Variants in PCDH7 observed in about 807,000 individuals in gnomAD.
The protein encoded by PCDH7 is protocadherin-7.
Under a neutral mutation model 58.9 loss-of-function variants are expected in PCDH7, and 17 were observed. The observed-to-expected ratio is 0.29, with a 90% CI of 0.20 to 0.43. PCDH7 has a LOEUF of 0.43. Among genes scored for constraint, PCDH7 ranks in the 20% least tolerant of loss-of-function variants. The pLI is 1.00. For synonymous variants in PCDH7, 664 were observed against 616.4 expected (o/e 1.08, Z -1.14); for missense variants, 1,274 against 1,441.0 (o/e 0.88, Z 1.88).
chr4:30,794,370 A>C (rs1378927468), intron 1 of PCDH7, among the ~76,000 whole-genome samples: 1 of 152,166 alleles, frequency 6.6e-6, no homozygotes, highest in Non-Finnish European at 1.5e-5. Flanking sequence ...CTGTTTTAGG[A>C]CTGTATAATT....
intron 3 of PCDH7, among the ~76,000 whole-genome samples, chr4:30,985,516 G>A (rs1750895197): frequency 6.6e-6 from 1 of 152,138 alleles, no homozygotes; most frequent in African/African-American, 2.4e-5. Context: ...TGACTATGCA[G>A]TCAACTTACT....
chr4:30,887,391 T>C (rs1737964705), intron 1 of PCDH7, among the ~76,000 whole-genome samples: 1 of 152,142 alleles, frequency 6.6e-6, no homozygotes, highest in Non-Finnish European at 1.5e-5. Flanking sequence ...TAGTTTTCAC[T>C]TGAAACATCT....
intron 3 of PCDH7, among the ~76,000 whole-genome samples, chr4:31,067,664 T>C (rs185295348): frequency 8.0e-4 from 121 of 152,014 alleles, no homozygotes; most frequent in African/African-American, 2.8e-3. Flanking sequence ...AGAAGTAAAA[T>C]AGTGTTTGCT....
intron 3 of PCDH7, among the ~76,000 whole-genome samples, chr4:30,986,907 G>C (rs899891093): frequency 6.6e-6 from 1 of 151,882 alleles, no homozygotes; most frequent in Admixed American, 6.6e-5. Flanking sequence ...CTTGAACCTG[G>C]GAGGCGGAGG....
intron 1 of PCDH7, among the ~76,000 whole-genome samples, chr4:30,897,123 C>A (rs1205475891): frequency 2.6e-5 from 4 of 151,902 alleles, no homozygotes; most frequent in African/African-American, 9.7e-5. Flanking sequence ...CCAGGTTGTT[C>A]TTGATCTCCT....
intron 1 of PCDH7, among the ~76,000 whole-genome samples, chr4:30,802,057 G>C (rs1010221752): frequency 5.9e-5 from 9 of 152,238 alleles, no homozygotes; most frequent in Non-Finnish European, 1.3e-4. Context: ...AAAGAAAGTA[G>C]AATACAAGAG....
intron 1 of PCDH7, among the ~76,000 whole-genome samples, chr4:30,816,311 T>G (rs1330353438): frequency 6.6e-6 from 1 of 152,162 alleles, no homozygotes; most frequent in Non-Finnish European, 1.5e-5. Context: ...TAAAATAAAT[T>G]TTCAGTTCTA....
At chr4:30,918,958 A>G (rs560751953) in intron 1 of PCDH7, among the ~76,000 whole-genome samples, 35 of 152,244 alleles carry the variant, frequency 2.3e-4, no homozygotes, top group African/African-American at 8.2e-4. Context: ...ATAATCCTTA[A>G]TATTTCTAAA....
At chr4:31,032,577 C>T (rs1346774131) in intron 3 of PCDH7, among the ~76,000 whole-genome samples, 1 of 145,212 alleles carries the variant, frequency 6.9e-6, no homozygotes, top group Non-Finnish European at 1.5e-5. Flanking sequence ...CACTGCACTC[C>T]AGCCTGGGTG....
intron 1 of PCDH7, among the ~76,000 whole-genome samples, chr4:30,888,326 T>A (rs1738133785): frequency 6.6e-6 from 1 of 152,036 alleles, no homozygotes. Context: ...GCCTATATAT[T>A]CACATAATAG....
intron 1 of PCDH7, among the ~76,000 whole-genome samples, chr4:30,794,799 TA>T (rs1192223487): frequency 6.6e-6 from 1 of 152,092 alleles, no homozygotes; most frequent in Non-Finnish European, 1.5e-5. Context: ...TAATTTGTGA[TA>T]AAAAAATCCA....
chr4:30,977,291 A>G (rs1750157685), intron 3 of PCDH7, among the ~76,000 whole-genome samples: 1 of 152,184 alleles, frequency 6.6e-6, no homozygotes, highest in Non-Finnish European at 1.5e-5. Context: ...TTTAATAAAA[A>G]TTATACTTAG....
chr4:30,860,683 A>G (rs1032120247), intron 1 of PCDH7, among the ~76,000 whole-genome samples: 1 of 152,092 alleles, frequency 6.6e-6, no homozygotes, highest in Non-Finnish European at 1.5e-5. Context: ...TAATGTTCAA[A>G]TTTTGAGGTG....
At chr4:30,781,283 G>A (rs1198785272) in intron 1 of PCDH7, among the ~76,000 whole-genome samples, 1 of 150,948 alleles carries the variant, frequency 6.6e-6, no homozygotes, top group Non-Finnish European at 1.5e-5. Flanking sequence ...TGGGACTACA[G>A]GTGCCCACCA....
chr4:30,897,020 T>C (rs1739513811), intron 1 of PCDH7, among the ~76,000 whole-genome samples: 1 of 147,436 alleles, frequency 6.8e-6, no homozygotes, highest in East Asian at 2.1e-4. Flanking sequence ...TTCTCCTGCC[T>C]CAGCCTCCCG....
chr4:31,107,857 C>A (rs146874201), intron 3 of PCDH7, among the ~76,000 whole-genome samples: 2 of 151,678 alleles, frequency 1.3e-5, no homozygotes, highest in African/African-American at 4.8e-5. Context: ...CCTTTCTCAC[C>A]GGAATTTTGT....
At chr4:31,077,590 CT>C (rs1474106266) in intron 3 of PCDH7, among the ~76,000 whole-genome samples, 1 of 152,054 alleles carries the variant, frequency 6.6e-6, no homozygotes, top group Admixed American at 6.6e-5. Context: ...GCTCCCATTT[CT>C]TAGTATGTCT....
intron 3 of PCDH7, among the ~76,000 whole-genome samples, chr4:30,962,126 A>T (rs1748490786): frequency 6.6e-6 from 1 of 152,180 alleles, no homozygotes; most frequent in African/African-American, 2.4e-5. Flanking sequence ...AATGACTTGA[A>T]TTGCTCTTGG....
At chr4:30,806,280 C>T (rs1024735515) in intron 1 of PCDH7, among the ~76,000 whole-genome samples, 3 of 152,048 alleles carry the variant, frequency 2.0e-5, no homozygotes. Context: ...CACTCTGACC[C>T]CTTTTCTATC....
Sources: allele counts gnomAD v4.1 joint callset (sites outside exome capture counted in the v4.1 genomes callset), GRCh38; gene constraint gnomAD v4.1.1; transcripts MANE v1.5; gene names NCBI Gene and HGNC (gene_info 2026-07-23, HGNC 2026-07-21).